The following DBH variants were observed in gnomAD, a reference collection of about 807,000 sequenced individuals.
DBH encodes dopamine beta-hydroxylase (dopamine beta-monooxygenase).
A neutral mutation model predicts 64.0 loss-of-function variants in DBH; 49 were observed. The observed-to-expected ratio is 0.77, with a 90% confidence interval of 0.61 to 0.97. The LOEUF is 0.97. Ranked by LOEUF, DBH falls within the 50% of genes least tolerant of loss-of-function variation. DBH has a pLI of 0.00. For synonymous variants in DBH, 343 were observed against 347.1 expected (o/e 0.99, Z 0.13); for missense variants, 828 against 826.6 (o/e 1.00, Z -0.02).
intron 7 of DBH, 50 bp from the exon 8 acceptor site, chr9:133,652,196 C>T (rs762709763): frequency 6.2e-7 from 1 of 1,609,972 alleles, no homozygotes; most frequent in South Asian, 1.1e-5. Context: ...GTCTGGTCTG[C>T]AGCTCTCTGA....
Position 133,648,006 on chromosome 9 carries a change from C to T in DBH, c.1185C>T (p.Thr395=), listed in dbSNP as rs1325868849. 1 of 1,612,038 alleles carries T rather than the reference C, an allele frequency of 6.2e-7. No individual in the cohort carries two copies. Among genetic ancestry groups the T allele is most frequent in the East Asian group, 2.2e-5 (1 of 44,842 alleles). The change falls in exon 6 of 12, where the codon ACC becomes ACT. Residue 395 remains threonine, a synonymous_variant. Transcript: ENST00000393056. Reference sequence around the variant, plus strand: ...CTGGCTACTGCACGGACAAGTGCACCCAGCTGGTGAGTGGGGCTGGGCCCG... The same window carrying T: ...CTGGCTACTGCACGGACAAGTGCACTCAGCTGGTGAGTGGGGCTGGGCCCG... The part of the protein sequence containing the change: ...ILTGYCTDKC[T]QLALPPSGIH...
chr9:133,658,449 G>A lies in DBH; in HGVS notation c.*2G>A, dbSNP rs1428974714. The A allele has an allele frequency of 6.2e-7, 1 of 1,605,216 alleles. No homozygotes were observed. Among genetic ancestry groups the A allele is most frequent in the African/African-American group, 1.3e-5 (1 of 74,786 alleles). On this transcript the variant is annotated 3_prime_UTR_variant, in exon 12 of 12. Transcript: ENST00000393056. ...AGCATTGGTGGGGGCAAAGGCTGAG[G>A]GGGGACCTACTCCTCCCCCTCCTCC...
At position 133,636,607 on chromosome 9, in the gene DBH, G is replaced by A. The variant is rs756380496; in HGVS notation, c.236G>A (p.Arg79Gln). Reference protein sequence around the residue: ...QEAIHFQLLVRRLKAGVLFGM... With the variant: ...QEAIHFQLLVQRLKAGVLFGM... Reference sequence around the variant, plus strand: ...GCCATCCATTTCCAGCTCCTGGTGCGGAGGCTCAAGGCTGGCGTCCTGTTT... The same window carrying A: ...GCCATCCATTTCCAGCTCCTGGTGCAGAGGCTCAAGGCTGGCGTCCTGTTT... Residue 79 changes from arginine to glutamine, a missense_variant, in exon 1 of 12, where the codon CGG (arginine) becomes CAG (glutamine). Physicochemically the swap from Arg to Gln is conservative, Grantham distance 43. Transcript: ENST00000393056. 2.7e-5 allele frequency: 43 copies of A among 1,613,520 alleles called. No homozygotes were observed. The highest frequency in any genetic ancestry group is 8.3e-5 in the Admixed American group (5 of 60,000).
At chr9:133,640,151 G>A (rs1832101796) in intron 2 of DBH, among the ~76,000 whole-genome samples, 159 bp downstream of exon 2, 1 of 152,258 alleles carries the variant, frequency 6.6e-6, no homozygotes, top group Non-Finnish European at 1.5e-5. Context: ...GCCAGAGGCA[G>A]TGGTGGGGCC....
At chr9:133,651,883 C>G (rs1484026687) in intron 7 of DBH, 106 bp downstream of exon 7, 1 of 1,243,426 alleles carries the variant, frequency 8.0e-7, no homozygotes, top group African/African-American at 1.5e-5. Context: ...AGGCTGGCTT[C>G]TTTTTCCTGG....
In DBH at chr9:133,658,670, G is replaced by C; in HGVS notation, c.*223G>C. On this transcript the variant is annotated 3_prime_UTR_variant, in exon 12 of 12. Coordinates refer to ENST00000393056, the MANE Select transcript of DBH (RefSeq NM_000787.4). ...GTGCCCTGTTGACCTACCCTGGACC[G>C]AGTGGACCACGACCTCGTCCATTTA... 2.1e-6 allele frequency: 1 copy of C among 472,530 alleles called. No homozygotes were observed. Among genetic ancestry groups the C allele is most frequent in the Non-Finnish European group, 3.7e-6 (1 of 272,874 alleles). 29.3% of individuals were successfully genotyped at this position (472,530 alleles called of 1,614,324 possible).
At chr9:133,656,797 T>C in intron 10 of DBH, 147 bp downstream of exon 10, 1 of 1,128,706 alleles carries the variant, frequency 8.9e-7, no homozygotes, top group Non-Finnish European at 1.3e-6. Flanking sequence ...CTCCCCTCAC[T>C]CGTTTCCTGC....
intron 5 of DBH, 114 bp from the exon 6 acceptor site, chr9:133,647,732 C>A (rs762955516): frequency 1.2e-4 from 158 of 1,324,134 alleles, no homozygotes; most frequent in Non-Finnish European, 1.5e-4. Flanking sequence ...TGGGGGGTGA[C>A]CGGCCCTGCC....
intron 9 of DBH, among the ~76,000 whole-genome samples, chr9:133,654,276 G>C (rs1195822944): frequency 6.6e-6 from 1 of 152,024 alleles, no homozygotes; most frequent in African/African-American, 2.4e-5. Flanking sequence ...GCTAATTTTT[G>C]TATTTTTAGT....
intron 11 of DBH, 73 bp from the exon 12 acceptor site, chr9:133,658,243 G>T: frequency 6.3e-7 from 1 of 1,581,506 alleles, no homozygotes. Context: ...GAGGTGGCTG[G>T]GAAGTGGCTG....
chr9:133,647,310 C>T (rs1832193330), intron 5 of DBH, among the ~76,000 whole-genome samples: 1 of 152,196 alleles, frequency 6.6e-6, no homozygotes, highest in South Asian at 2.1e-4. Flanking sequence ...TGACGCAGGG[C>T]CAGGGCTCTT....
Position 133,657,236 on chromosome 9 carries a change from T to G in DBH, c.1722+7T>G, listed in dbSNP as rs745670077. 1.2e-6 allele frequency: 2 copies of G among 1,613,516 alleles called. No homozygotes were observed. The highest frequency in any genetic ancestry group is 1.7e-5 in the Admixed American group (1 of 60,008). On this transcript the variant is annotated splice_region_variant and intron_variant, in intron 11 of 11. Transcript: ENST00000393056. ...CTCAGCCGTCCGCTTCCAGGTGCGC[T>G]GCCATGGGCCCGGGTGGGGCATGCA... is the stretch of plus-strand genomic sequence containing the variant.
At position 133,636,651 on chromosome 9, in the gene DBH, G is replaced by C; in HGVS notation, c.280G>C (p.Glu94Gln). 1 of 1,611,950 alleles carries C rather than the reference G, an allele frequency of 6.2e-7. No homozygotes were observed. The highest frequency in any genetic ancestry group is 8.5e-7 in the Non-Finnish European group (1 of 1,180,000). ...GVLFGMSDRG[E>Q]LENADLVVLW... ...CCTGTTTGGGATGTCCGACCGTGGC[G>C]AGCTTGAGAACGCAGATCTCGTGGT... Residue 94 changes from glutamate (E) to glutamine (Q), a missense_variant, in exon 1 of 12, where the codon GAG (glutamate) becomes CAG (glutamine). By Grantham distance (29) the Glu-to-Gln change is conservative. Coordinates refer to ENST00000393056, the MANE Select transcript of DBH (RefSeq NM_000787.4).
At chr9:133,648,759 A>G (rs1250095869) in intron 6 of DBH, among the ~76,000 whole-genome samples, 1 of 152,242 alleles carries the variant, frequency 6.6e-6, no homozygotes, top group Admixed American at 6.5e-5. Context: ...GAGAGTGACT[A>G]CTAAAATCTC....
At chr9:133,656,494 G>T in intron 9 of DBH, 29 bp from the exon 10 acceptor site, 1 of 1,613,212 alleles carries the variant, frequency 6.2e-7, no homozygotes, top group Non-Finnish European at 8.5e-7. Context: ...GGCATGGCCC[G>T]GGGCTGACGG....
rs567810295 is a variant in DBH, at chr9:133,657,408, GGAGAGAGGAGAGAGAGGA to G, written c.1722+212_1722+229del. On this transcript the variant is annotated intron_variant, in intron 11 of 11. Coordinates refer to ENST00000393056, the MANE Select transcript of DBH (RefSeq NM_000787.4). ...CAGCCAGCCAGCCAGCAGAGAGAGA[GGAGAGAGGAGAGAGAGGA>G]GAGAGAGGAGAGAGAGGAGAGAGAG... is the stretch of plus-strand genomic sequence containing the variant. The G allele has an allele frequency of 9.8e-3, 4,128 of 421,768 alleles. 65 individuals carry two copies. The highest frequency in any genetic ancestry group is 0.036 in the African/African-American group (1,380 of 38,644). 26.1% of individuals were successfully genotyped at this position (421,768 alleles called of 1,614,324 possible).
chr9:133,641,099 A>T (rs1218708592), intron 2 of DBH, among the ~76,000 whole-genome samples: 4 of 152,156 alleles, frequency 2.6e-5, no homozygotes, highest in Admixed American at 2.6e-4. Flanking sequence ...CACAAGCGTG[A>T]ATGTTGGAGG....
intron 1 of DBH, among the ~76,000 whole-genome samples, chr9:133,638,671 T>G (rs1466156287): frequency 2.0e-5 from 3 of 152,118 alleles, no homozygotes; most frequent in African/African-American, 7.2e-5. Context: ...TGGGTCGGAA[T>G]GTTAGGAATA....
rs1564215854 is a variant in DBH at position 133,657,450 on chromosome 9, A to AGAGGGAGAG, written c.1722+222_1722+223insAGGGAGAGG. The AGAGGGAGAG allele has an allele frequency of 1.7e-3, 159 of 91,570 alleles. 16 individuals carry two copies. In the South Asian group the frequency reaches 0.022, roughly 13 times the overall value. The allele number at this position is 91,570 out of a possible 1,614,324, so 5.7% of individuals were successfully genotyped here. On this transcript the variant is annotated intron_variant, in intron 11 of 11. Transcript: ENST00000393056. ...GAGAGAGAGGAGAGAGAGGAGAGAG[A>AGAGGGAGAG]GGAGAGAGGGAGAGGGAGAGAGGGA...
Sources: gnomAD v4.1 joint callset for allele counts (sites outside exome capture counted in the v4.1 genomes callset) on GRCh38, gnomAD v4.1.1 for gene constraint, MANE v1.5 for transcripts, NCBI Gene and HGNC (gene_info 2026-07-23, HGNC 2026-07-21) for gene names.